Variants in TNRC6C observed in about 807,000 individuals in gnomAD.
TNRC6C encodes trinucleotide repeat containing adaptor 6C.
Under a neutral mutation model 153.7 loss-of-function variants are expected in TNRC6C, and 20 were observed. That is an observed-to-expected ratio of 0.13 (90% CI 0.09 to 0.19). The LOEUF is 0.19. Among genes scored for constraint, TNRC6C ranks in the 10% least tolerant of loss-of-function variants. The pLI is 1.00. For synonymous variants in TNRC6C, 811 were observed against 841.4 expected (o/e 0.96, Z 0.63); for missense variants, 1,987 against 2,172.0 (o/e 0.91, Z 1.69).
intron 1 of TNRC6C, among the ~76,000 whole-genome samples, chr17:77,980,941 C>T (rs2071067337): frequency 6.6e-6 from 1 of 152,164 alleles, no homozygotes; most frequent in Non-Finnish European, 1.5e-5. Flanking sequence ...GCTCTCCAAA[C>T]CCAATCCTTT....
intron 16 of TNRC6C, 84 bp downstream of exon 18, chr17:78,093,847 G>A (rs2144578741): frequency 1.3e-6 from 2 of 1,559,502 alleles, no homozygotes; most frequent in Admixed American, 1.8e-5. Context: ...GTTGGGCTGT[G>A]AGGCAGGGAT....
chr17:77,995,535 T>C (rs1375651240), intron 1 of TNRC6C, among the ~76,000 whole-genome samples: 1 of 152,200 alleles, frequency 6.6e-6, no homozygotes, highest in East Asian at 1.9e-4. Context: ...AAGTAGTTTT[T>C]TGGGAAAAGC....
At chr17:78,008,730 T>G (rs919326580) in intron 1 of TNRC6C, 2 of 152,152 alleles carry the variant, frequency 1.3e-5, no homozygotes, top group Non-Finnish European at 2.9e-5. Flanking sequence ...TTTTCCCTCC[T>G]GTGATGAAAA....
chr17:77,993,706 G>A (rs375466208), intron 1 of TNRC6C, among the ~76,000 whole-genome samples: 11 of 152,050 alleles, frequency 7.2e-5, no homozygotes, highest in Admixed American at 4.6e-4. Flanking sequence ...AACCTGTTGC[G>A]TGTTTGAAAA....
chr17:77,987,807 G>A (rs1002018510), intron 1 of TNRC6C, among the ~76,000 whole-genome samples: 1 of 152,086 alleles, frequency 6.6e-6, no homozygotes, highest in Non-Finnish European at 1.5e-5. Context: ...ACCCTCCCAA[G>A]TAGCTGGGAT....
At chr17:78,056,382 T>C (rs1005751539) in intron 3 of TNRC6C, among the ~76,000 whole-genome samples, 91 of 151,966 alleles carry the variant, frequency 6.0e-4, no homozygotes, top group Non-Finnish European at 9.3e-4. Context: ...GGTCTGGAAC[T>C]CCTGACCTCA....
intron 1 of TNRC6C, among the ~76,000 whole-genome samples, chr17:78,027,456 C>CT (rs2143652336): frequency 6.6e-6 from 1 of 152,272 alleles, no homozygotes; most frequent in African/African-American, 2.4e-5. Context: ...CAACCCTCTT[C>CT]TTTTTTATAT....
chr17:78,002,230 C>G (rs2071423597), upstream of TNRC6C, among the ~76,000 whole-genome samples: 1 of 152,078 alleles, frequency 6.6e-6, no homozygotes, highest in Non-Finnish European at 1.5e-5. Context: ...CAGATTTTCT[C>G]CACTGTAAAT....
intron 5 of TNRC6C, among the ~76,000 whole-genome samples, chr17:78,068,778 C>T (rs542530087): frequency 7.2e-5 from 11 of 152,008 alleles, no homozygotes; most frequent in Admixed American, 5.2e-4. Context: ...CCAGCCTGGG[C>T]GACAGAGCGA....
At chr17:77,963,040 A>G (rs959602853) in intron 1 of TNRC6C, among the ~76,000 whole-genome samples, 5 of 152,238 alleles carry the variant, frequency 3.3e-5, no homozygotes, top group Non-Finnish European at 7.3e-5. Flanking sequence ...AAATTTATAC[A>G]AATGAGTTTT....
chr17:77,973,107 A>G (rs1057188019), intron 1 of TNRC6C, among the ~76,000 whole-genome samples: 1 of 152,036 alleles, frequency 6.6e-6, no homozygotes, highest in African/African-American at 2.4e-5. Context: ...GGGTTTCACT[A>G]TGTTGGCCAG....
At chr17:78,082,328 G>A (rs551453199) in intron 10 of TNRC6C, among the ~76,000 whole-genome samples, 1 of 152,116 alleles carries the variant, frequency 6.6e-6, no homozygotes, top group Non-Finnish European at 1.5e-5. Context: ...ATCACATGGG[G>A]ATGAAGTAAT....
rs1486334533 is a variant in TNRC6C at position 78,075,801 on chromosome 17, G to A, written c.3060+523G>A. 6.6e-6 allele frequency among the ~76,000 whole-genome samples: 1 copy of A among 152,082 alleles called. No homozygotes were observed. Among genetic ancestry groups the A allele is most frequent in the Non-Finnish European group, 1.5e-5 (1 of 68,028 alleles). ...GCCCCCAGTGTTGTCATGTAATGAT[G>A]TCCCCATGCCAGACTGGTGTGACTG... is the stretch of plus-strand genomic sequence containing the variant. On this transcript the variant is annotated intron_variant, in intron 8 of 19. Coordinates refer to ENST00000301624, the Ensembl canonical transcript of TNRC6C. The surrounding 1 kb of genome is among the most constrained non-coding windows in gnomAD (Gnocchi z 4.2).
At chr17:78,002,690 C>G (rs796082705), upstream of TNRC6C, among the ~76,000 whole-genome samples, 9 of 152,160 alleles carry the variant, frequency 5.9e-5, no homozygotes, top group African/African-American at 1.9e-4. Flanking sequence ...GCCAGGAGTT[C>G]GAGACTAGCC....
chr17:78,095,180 G>T (rs949048673), intron 16 of TNRC6C, among the ~76,000 whole-genome samples: 17 of 152,236 alleles, frequency 1.1e-4, no homozygotes, highest in Admixed American at 8.5e-4. Context: ...GAAGCATCAG[G>T]TAGCCCCTTA....
intron 2 of TNRC6C, 122 bp downstream of exon 4, chr17:78,031,964 CAAATT>C: frequency 1.3e-6 from 1 of 792,618 alleles, no homozygotes; most frequent in East Asian, 3.4e-5. Context: ...CAGAGACAGA[CAAATT>C]CATTTCATTT....
At chr17:78,031,779 G>C in exon 2 of TNRC6C, 1 of 1,232,328 alleles carries the variant, frequency 8.1e-7, no homozygotes, top group Non-Finnish European at 1.0e-6. Context: ...TGGGCCTGCA[G>C]GGGTAAGCCC....
rs1013283980 is a variant in TNRC6C, at chr17:78,093,857, T to A, written c.4306+94T>A. The A allele has an allele frequency of 1.8e-5, 27 of 1,526,558 alleles. No homozygotes were observed. The African/African-American group carries it at 3.3e-4, about 19-fold the overall frequency. The allele number at this position is 1,526,558 out of a possible 1,614,324, so 94.6% of individuals were successfully genotyped here. A position where few individuals can be genotyped will look rare whatever the true frequency, so the allele number is the denominator to read the frequency against. ...GACAGGTTGGGCTGTGAGGCAGGGA[T>A]GATACAAGGCACAGTTGGCGGGCAC... On this transcript the variant is annotated intron_variant, in intron 16 of 19. Coordinates refer to ENST00000301624, the Ensembl canonical transcript of TNRC6C.
intron 16 of TNRC6C, 36 bp downstream of exon 18, chr17:78,093,799 G>A (rs2073434371): frequency 1.2e-5 from 19 of 1,611,856 alleles, no homozygotes; most frequent in Non-Finnish European, 1.4e-5. Flanking sequence ...TGCATGGACG[G>A]TCTCTCTAGA....
Sources: allele counts gnomAD v4.1 joint callset (sites outside exome capture counted in the v4.1 genomes callset), GRCh38; gene constraint gnomAD v4.1.1; non-coding constraint Gnocchi (gnomAD v3.1); transcripts MANE v1.5; gene names NCBI Gene and HGNC (gene_info 2026-07-23, HGNC 2026-07-21).